Variants in AK9 observed in about 807,000 individuals in gnomAD.
AK9 encodes the protein adenylate kinase 9, also known as adenylate kinase domain containing 1.
AK9 carries 191 observed loss-of-function variants against 239.6 expected under a neutral mutation model. That is an observed-to-expected ratio of 0.80 (90% confidence interval 0.71 to 0.90). AK9 has a LOEUF of 0.90. AK9 is among the 40% of genes least tolerant of loss of function. The pLI, the probability that AK9 is intolerant of heterozygous loss-of-function variation, is 0.00. For missense variants in AK9, 1,995 were observed against 2,214.7 expected (o/e 0.90, Z 1.99); for synonymous variants, 689 against 721.0 (o/e 0.96, Z 0.71).
chr6:109,683,207 G>A (rs779382946), intron 1 of AK9, among the ~76,000 whole-genome samples: 5 of 152,070 alleles, frequency 3.3e-5, no homozygotes. Context: ...CCTCATTCAC[G>A]CTAAAAACTC....
intron 24 of AK9, among the ~76,000 whole-genome samples, chr6:109,562,352 A>G (rs1785887849): frequency 6.6e-6 from 1 of 152,212 alleles, no homozygotes; most frequent in African/African-American, 2.4e-5. Context: ...AGTTCAACTT[A>G]GGTATTTATT....
intron 17 of AK9, among the ~76,000 whole-genome samples, chr6:109,593,943 G>C (rs1309260708): frequency 6.6e-6 from 1 of 152,074 alleles, no homozygotes; most frequent in African/African-American, 2.4e-5. Context: ...CATTCCCTCT[G>C]AAAACCAGCA....
At chr6:109,635,697 G>GTA (rs1001903444) in intron 10 of AK9, among the ~76,000 whole-genome samples, 3 of 152,180 alleles carry the variant, frequency 2.0e-5, no homozygotes, top group Admixed American at 6.5e-5. Flanking sequence ...GCAACTAAGG[G>GTA]TTAATGCCTG....
chr6:109,500,858 A>C (rs1777536057), intron 35 of AK9, among the ~76,000 whole-genome samples: 1 of 152,082 alleles, frequency 6.6e-6, no homozygotes, highest in Non-Finnish European at 1.5e-5. Context: ...TCTCTACAAA[A>C]AATACAAAAA....
intron 8 of AK9, among the ~76,000 whole-genome samples, chr6:109,651,924 C>T (rs1454694687): frequency 1.3e-5 from 2 of 152,080 alleles, no homozygotes; most frequent in Non-Finnish European, 2.9e-5. Flanking sequence ...AGCCTACCAA[C>T]CAAAAAAAGT....
chr6:109,546,700 A>G (rs148993449), intron 25 of AK9, among the ~76,000 whole-genome samples: 6 of 152,312 alleles, frequency 3.9e-5, no homozygotes, highest in Admixed American at 1.3e-4. Flanking sequence ...ATATCCGAGT[A>G]GGATAAGCCT....
chr6:109,627,679 A>G (rs1795704737), intron 12 of AK9, among the ~76,000 whole-genome samples: 1 of 151,918 alleles, frequency 6.6e-6, no homozygotes, highest in Non-Finnish European at 1.5e-5. Context: ...TTTTTGAGAC[A>G]GAGTCTCTCC....
In AK9 at chr6:109,515,966, C is replaced by G. The variant is rs369214077; in HGVS notation, c.3956G>C (p.Arg1319Pro). 2.0e-4 allele frequency: 317 copies of G among 1,551,392 alleles called. No homozygotes were observed. Among genetic ancestry groups the G allele is most frequent in the Non-Finnish European group, 2.7e-4 (304 of 1,146,834 alleles). The change falls in exon 31 of 41, where the codon CGT becomes CCT. Residue 1319 changes from arginine to proline, a missense_variant. Around this residue, in one of 5 missense-constraint regions of AK9, gnomAD observed 1,290 missense variants for 1,392.7 expected, o/e 0.93. Coordinates refer to ENST00000424296, the MANE Select transcript of AK9 (RefSeq NM_001145128.3). ...NMKLKPLVENRASIFEKCHPI... is the reference protein window; with the variant it reads ...NMKLKPLVENPASIFEKCHPI... ...ATGACATTTCTCAAAAATGCTTGCACGATTTTCCACCAGTGGTTTCAGTTT... is the reference window on the plus strand; with the variant it reads ...ATGACATTTCTCAAAAATGCTTGCAGGATTTTCCACCAGTGGTTTCAGTTT...
rs1299663802 is a variant in AK9, at chr6:109,497,507, A to C, written c.5273T>G (p.Ile1758Arg). 6.2e-7 allele frequency: 1 copy of C among 1,609,334 alleles called. No homozygotes were observed. Among genetic ancestry groups the C allele is most frequent in the Admixed American group, 1.7e-5 (1 of 59,974 alleles). Residue 1758 changes from isoleucine to arginine, a missense_variant, in exon 38 of 41, where the codon ATA becomes AGA. This residue lies in a region of AK9 where 391 missense variants were observed against 456.0 expected (regional missense o/e 0.86). Coordinates refer to ENST00000424296, the MANE Select transcript of AK9 (RefSeq NM_001145128.3). The stretch of plus-strand genomic sequence containing the variant: ...TTTTTCTTTGTTCTCACAAATATAT[A>C]TACGATTATGATATTCTAAAGCATA... The part of the protein sequence containing the change: ...INYALEYHNR[I>R]YICENKEKLQ...
chr6:109,678,800 T>C (rs1772153028), intron 1 of AK9, among the ~76,000 whole-genome samples: 2 of 151,918 alleles, frequency 1.3e-5, no homozygotes, highest in African/African-American at 2.4e-5. Flanking sequence ...ATGCAGCTCA[T>C]GGAGGGTAAG....
intron 17 of AK9, among the ~76,000 whole-genome samples, chr6:109,600,150 T>C (rs1791704368): frequency 6.6e-6 from 1 of 152,200 alleles, no homozygotes; most frequent in Admixed American, 6.5e-5. Flanking sequence ...ATCCCTGTCT[T>C]GTGCCAGTTT....
intron 2 of AK9, among the ~76,000 whole-genome samples, 178 bp from the exon 3 acceptor site, chr6:109,674,439 T>C (rs1221599502): frequency 1.3e-5 from 2 of 152,192 alleles, no homozygotes; most frequent in Non-Finnish European, 2.9e-5. Context: ...TTACTAATTT[T>C]TGCATATGTC....
chr6:109,498,896 G>C (rs749173104), intron 36 of AK9, 148 bp downstream of exon 36: 1 of 581,584 alleles, frequency 1.7e-6, no homozygotes, highest in Non-Finnish European at 2.8e-6. Context: ...ACTCACTGCT[G>C]AGTTGCTTCA....
At chr6:109,656,690 AG>A in intron 8 of AK9, 65 bp downstream of exon 8, 5 of 1,467,322 alleles carry the variant, frequency 3.4e-6, no homozygotes, top group Non-Finnish European at 4.7e-6. Flanking sequence ...GACATGTGAA[AG>A]CTACTTAACC....
At chr6:109,495,861 G>A (rs1470435286) in intron 38 of AK9, among the ~76,000 whole-genome samples, 2 of 151,564 alleles carry the variant, frequency 1.3e-5, no homozygotes, top group African/African-American at 4.9e-5. Flanking sequence ...TGGTCCCACC[G>A]CTCCCTCTCT....
rs555499163 is a variant in AK9 at position 109,535,486 on chromosome 6, T to C, written c.3351-2016A>G. Among the ~76,000 whole-genome samples, 25 of 152,300 alleles carry C rather than the reference T, an allele frequency of 1.6e-4. 1 individual carries two copies. The highest frequency in any genetic ancestry group is 1.3e-3 in the Admixed American group (20 of 15,292). On this transcript the variant is annotated intron_variant, in intron 27 of 40. Transcript: ENST00000424296. ...TTTTCTTGTAAATTTGTTTGAGTTC[T>C]TTGTAGATTCTGGATATTAGCCCTT...
chr6:109,560,200 A>G (rs9400299), intron 24 of AK9, among the ~76,000 whole-genome samples: 5,211 of 152,350 alleles, frequency 0.034, 140 homozygotes, highest in East Asian at 0.096. Flanking sequence ...GCCTATCACA[A>G]TAGAAAATCT....
intron 17 of AK9, 115 bp from the exon 18 acceptor site, chr6:109,586,187 A>C: frequency 1.1e-6 from 1 of 893,450 alleles, no homozygotes; most frequent in Non-Finnish European, 1.6e-6. Flanking sequence ...TTCTTTCAAA[A>C]GGAAAAAAAA....
chr6:109,628,867 T>C (rs546026374), intron 12 of AK9, among the ~76,000 whole-genome samples: 3 of 152,134 alleles, frequency 2.0e-5, no homozygotes, highest in Non-Finnish European at 4.4e-5. Context: ...AAACATGTTT[T>C]TAGTTATACT....
Sources: allele counts gnomAD v4.1 joint callset (sites outside exome capture counted in the v4.1 genomes callset), GRCh38; gene constraint gnomAD v4.1.1; regional missense constraint gnomAD v4.1.1; transcripts MANE v1.5; gene names NCBI Gene and HGNC (gene_info 2026-07-23, HGNC 2026-07-21).